The following SETBP1 variants were observed in gnomAD, a reference collection of about 807,000 sequenced individuals.
The protein encoded by SETBP1 is SET-binding protein.
In SETBP1, 9 loss-of-function variants were observed where a neutral mutation model predicts 101.0. The ratio of observed to expected loss-of-function variants is 0.09; its 90% CI spans 0.05 to 0.16. The LOEUF (loss-of-function observed/expected upper bound fraction) is 0.16. Among genes scored for constraint, SETBP1 ranks in the 10% least tolerant of loss-of-function variants. The probability of loss-of-function intolerance (pLI) is 1.00; values close to 1 mark genes in which losing one functional copy is unlikely to be tolerated. For synonymous variants in SETBP1, 818 were observed against 788.5 expected (o/e 1.04, Z -0.63); for missense variants, 1,858 against 2,033.8 (o/e 0.91, Z 1.66).
intron 1 of SETBP1, among the ~76,000 whole-genome samples, chr18:44,695,741 C>A (rs746213419): frequency 6.6e-6 from 1 of 152,004 alleles, no homozygotes; most frequent in Non-Finnish European, 1.5e-5. Flanking sequence ...GAGAGGTGCA[C>A]GTGTTGTTCA....
chr18:45,013,986 A>G (rs1390596154), intron 4 of SETBP1, among the ~76,000 whole-genome samples: 1 of 152,182 alleles, frequency 6.6e-6, no homozygotes, highest in Non-Finnish European at 1.5e-5. Context: ...TTAATTCAAT[A>G]ATCCATTCAC....
intron 2 of SETBP1, among the ~76,000 whole-genome samples, chr18:44,824,279 A>C (rs1028884445): frequency 1.3e-5 from 2 of 152,192 alleles, no homozygotes; most frequent in South Asian, 2.1e-4. Flanking sequence ...CCCACCCAAC[A>C]GTGCACCCTG....
At chr18:44,875,983 G>T (rs993670940) in intron 3 of SETBP1, among the ~76,000 whole-genome samples, 1 of 152,224 alleles carries the variant, frequency 6.6e-6, no homozygotes, top group Non-Finnish European at 1.5e-5. Context: ...CTTCGTTTTT[G>T]AAGATTGTAT....
At chr18:44,864,619 G>A (rs1376788567) in intron 2 of SETBP1, among the ~76,000 whole-genome samples, 7 of 152,042 alleles carry the variant, frequency 4.6e-5, no homozygotes, top group Non-Finnish European at 8.8e-5. Flanking sequence ...GAACACTGCC[G>A]GGCTCCACCA....
chr18:44,744,014 G>C (rs2070160005), intron 2 of SETBP1, among the ~76,000 whole-genome samples: 2 of 152,184 alleles, frequency 1.3e-5, no homozygotes, highest in African/African-American at 4.8e-5. Context: ...CACATATAAT[G>C]GCACATGCCT....
At chr18:45,057,099 C>G (rs2073821694) in intron 5 of SETBP1, among the ~76,000 whole-genome samples, 1 of 152,148 alleles carries the variant, frequency 6.6e-6, no homozygotes, top group Non-Finnish European at 1.5e-5. Context: ...TTCTAAATTA[C>G]TGCTTTAAAC....
intron 2 of SETBP1, among the ~76,000 whole-genome samples, chr18:44,734,889 A>G (rs973252701): frequency 6.6e-6 from 1 of 152,236 alleles, no homozygotes; most frequent in African/African-American, 2.4e-5. Context: ...GGCATTTCCC[A>G]CAGCATATCA....
intron 2 of SETBP1, among the ~76,000 whole-genome samples, chr18:44,788,175 A>C (rs1292483861): frequency 6.6e-6 from 1 of 152,090 alleles, no homozygotes; most frequent in Non-Finnish European, 1.5e-5. Flanking sequence ...GGGAAAAGCC[A>C]TTCCTGATGG....
At chr18:44,764,286 C>T (rs2070719029) in intron 2 of SETBP1, among the ~76,000 whole-genome samples, 1 of 152,242 alleles carries the variant, frequency 6.6e-6, no homozygotes, top group Admixed American at 6.5e-5. Context: ...GATTCTCCCC[C>T]AGACACCTGC....
chr18:44,881,339 A>C (rs1404212812), intron 3 of SETBP1, among the ~76,000 whole-genome samples: 1 of 152,160 alleles, frequency 6.6e-6, no homozygotes, highest in East Asian at 1.9e-4. Context: ...GACCTAAGGC[A>C]GGGGTGGGTA....
intron 2 of SETBP1, among the ~76,000 whole-genome samples, chr18:44,726,770 C>T (rs2069716852): frequency 6.6e-6 from 1 of 152,200 alleles, no homozygotes; most frequent in Admixed American, 6.5e-5. Context: ...AGCCACACAA[C>T]TGTGTGCTTC....
chr18:45,046,619 A>T (rs2073617810), intron 5 of SETBP1, among the ~76,000 whole-genome samples: 1 of 152,144 alleles, frequency 6.6e-6, no homozygotes. Flanking sequence ...GAATTTCAGG[A>T]TAAGCCATTC....
intron 4 of SETBP1, among the ~76,000 whole-genome samples, chr18:44,993,373 A>G: frequency 6.6e-6 from 1 of 152,162 alleles, no homozygotes; most frequent in Non-Finnish European, 1.5e-5. Flanking sequence ...AACTCTGATT[A>G]TTTTCTTATG....
chr18:44,858,218 G>A (rs928347902), intron 2 of SETBP1, among the ~76,000 whole-genome samples: 1 of 152,222 alleles, frequency 6.6e-6, no homozygotes, highest in African/African-American at 2.4e-5. Flanking sequence ...GGCAGATTCT[G>A]CAGAGTATCT....
intron 2 of SETBP1, among the ~76,000 whole-genome samples, chr18:44,781,099 A>T (rs1450531056): frequency 1.3e-5 from 2 of 152,166 alleles, no homozygotes; most frequent in Non-Finnish European, 2.9e-5. Context: ...GCAGGTAGGA[A>T]CAGGGTACAG....
chr18:44,953,165 A>G lies in SETBP1; in HGVS notation c.3825A>G (p.Ser1275=), dbSNP rs8096662. 1,400,303 of 1,613,938 alleles carry G rather than the reference A, an allele frequency of 0.87. 609,103 individuals are homozygous for G. Among genetic ancestry groups the G allele is most frequent in the African/African-American group, 0.98 (73,119 of 74,976 alleles). ...GCGGGGATGGTGGCAGCACGAGATC[A>G]GAGAACCTGGACGTGTTCAGTGAAA... is the stretch of plus-strand genomic sequence containing the variant. ...GSGGDGGSTR[S]ENLDVFSEMN... The change falls in exon 4 of 6, where the codon TCA becomes TCG. Residue 1275 remains serine (S), a synonymous_variant. Transcript: ENST00000649279.
chr18:44,687,191 A>G (rs2068853649), intron 1 of SETBP1, among the ~76,000 whole-genome samples: 1 of 152,238 alleles, frequency 6.6e-6, no homozygotes, highest in Non-Finnish European at 1.5e-5. Context: ...CACATCTATT[A>G]GCATATGATG....
intron 2 of SETBP1, among the ~76,000 whole-genome samples, chr18:44,796,071 T>G (rs1156952841): frequency 6.6e-6 from 1 of 152,216 alleles, no homozygotes; most frequent in Non-Finnish European, 1.5e-5. Context: ...TACGACATAA[T>G]CAAGCTGGTG....
chr18:44,963,282 T>C (rs2071649696), intron 4 of SETBP1, among the ~76,000 whole-genome samples: 1 of 152,172 alleles, frequency 6.6e-6, no homozygotes, highest in Admixed American at 6.5e-5. Context: ...CACTAACTAA[T>C]AGGCAATTTA....
Sources: gnomAD v4.1 joint callset for allele counts (sites outside exome capture counted in the v4.1 genomes callset) on GRCh38, gnomAD v4.1.1 for gene constraint, MANE v1.5 for transcripts, NCBI Gene and HGNC (gene_info 2026-07-23, HGNC 2026-07-21) for gene names.